The following METTL8 variants were observed in gnomAD, a reference collection of about 807,000 sequenced individuals.
METTL8 encodes methyltransferase 8, tRNA N3-cytidine.
Under a neutral mutation model 48.7 loss-of-function variants are expected in METTL8, and 32 were observed. The ratio of observed to expected loss-of-function variants is 0.66; its 90% CI spans 0.50 to 0.88. The LOEUF is 0.88. Ranked by LOEUF, METTL8 falls within the 40% of genes least tolerant of loss-of-function variation. METTL8 has a pLI of 0.00. For missense variants in METTL8, 464 were observed against 474.4 expected (o/e 0.98, Z 0.20); for synonymous variants, 136 against 157.1 (o/e 0.87, Z 1.01).
At chr2:171,366,017 C>T (rs143223093) in intron 2 of METTL8, among the ~76,000 whole-genome samples, 1 of 152,088 alleles carries the variant, frequency 6.6e-6, no homozygotes, top group African/African-American at 2.4e-5. Flanking sequence ...AGGGTTTGTG[C>T]AACAGGATAC....
chr2:171,331,782 A>G (rs1173499652), intron 6 of METTL8, 22 bp downstream of exon 6: 2 of 1,579,926 alleles, frequency 1.3e-6, no homozygotes, highest in Non-Finnish European at 1.7e-6. Context: ...ATCAGTTGGT[A>G]TGATTCCCAG....
At chr2:171,364,288 T>C (rs1685499038) in intron 2 of METTL8, among the ~76,000 whole-genome samples, 2 of 152,138 alleles carry the variant, frequency 1.3e-5, no homozygotes, top group Admixed American at 6.5e-5. Context: ...AAAAACTATA[T>C]GTAAAACCTG....
intron 4 of METTL8, 30 bp downstream of exon 4, chr2:171,339,154 C>A: frequency 1.4e-6 from 2 of 1,417,014 alleles, no homozygotes; most frequent in East Asian, 2.3e-5. Context: ...TTATTTGTCA[C>A]CTCCCATTTT....
chr2:171,428,493 TA>T lies in METTL8; in HGVS notation c.-13+5389del, dbSNP rs113979366. Among the ~76,000 whole-genome samples, 1,332 of 141,552 alleles carry T rather than the reference TA, an allele frequency of 9.4e-3. 16 individuals carry two copies. Among genetic ancestry groups the T allele is most frequent in the East Asian group, 0.043 (214 of 4,952 alleles). 92.9% of individuals were successfully genotyped at this position (141,552 alleles called of 152,430 possible). On this transcript the variant is annotated intron_variant, in intron 1 of 9. Coordinates refer to ENST00000375258, the MANE Select transcript of METTL8 (RefSeq NM_001321154.2). ...AGATTTCTTCTCAAGCAAATAAAGT[TA>T]AAAAAAAAAAAAGTACTTAGCTGTT...
intron 6 of METTL8, among the ~76,000 whole-genome samples, chr2:171,330,971 A>C (rs575492429): frequency 2.0e-5 from 3 of 152,290 alleles, no homozygotes; most frequent in Admixed American, 2.0e-4. Flanking sequence ...GTTAGTAGAC[A>C]GTGTTGTTAG....
At chr2:171,426,857 G>C (rs1692472853) in intron 1 of METTL8, among the ~76,000 whole-genome samples, 1 of 152,176 alleles carries the variant, frequency 6.6e-6, no homozygotes, top group South Asian at 2.1e-4. Flanking sequence ...CCAAGTATCT[G>C]TTTAAGAAGA....
intron 1 of METTL8, among the ~76,000 whole-genome samples, chr2:171,395,453 T>C (rs1177051738): frequency 1.3e-5 from 2 of 152,208 alleles, no homozygotes; most frequent in Non-Finnish European, 2.9e-5. Flanking sequence ...ATATACTGTT[T>C]ATAAGGCAAG....
chr2:171,347,975 C>G (rs1303101999), intron 3 of METTL8, among the ~76,000 whole-genome samples: 2 of 152,174 alleles, frequency 1.3e-5, no homozygotes, highest in South Asian at 2.1e-4. Flanking sequence ...GGATGGAGAA[C>G]TGGCTCTACG....
At chr2:171,370,058 T>A in intron 2 of METTL8, among the ~76,000 whole-genome samples, 1 of 142,960 alleles carries the variant, frequency 7.0e-6, no homozygotes, top group Non-Finnish European at 1.5e-5. Flanking sequence ...ACAGAGAGAC[T>A]CCATCTCAAA....
chr2:171,343,737 T>C (rs765588933), intron 3 of METTL8, among the ~76,000 whole-genome samples: 4 of 152,206 alleles, frequency 2.6e-5, no homozygotes, highest in Non-Finnish European at 5.9e-5. Flanking sequence ...ATTAGAGTAG[T>C]ATCTCTAAAG....
At chr2:171,407,351 G>C (rs574506159) in intron 1 of METTL8, among the ~76,000 whole-genome samples, 100 of 151,900 alleles carry the variant, frequency 6.6e-4, no homozygotes, top group Non-Finnish European at 1.4e-3. Context: ...GGGGGAAATG[G>C]AAAGAAACAG....
At chr2:171,400,189 G>C (rs1689508727) in intron 1 of METTL8, among the ~76,000 whole-genome samples, 3 of 151,940 alleles carry the variant, frequency 2.0e-5, no homozygotes. Flanking sequence ...AAACTAACAG[G>C]CCTAAAGTCA....
intron 3 of METTL8, among the ~76,000 whole-genome samples, chr2:171,351,894 T>C (rs1683970799): frequency 6.6e-6 from 1 of 152,224 alleles, no homozygotes; most frequent in East Asian, 1.9e-4. Context: ...AAATATACAA[T>C]CATGTCATCT....
At chr2:171,368,765 T>G (rs1378661204) in intron 2 of METTL8, among the ~76,000 whole-genome samples, 1 of 152,070 alleles carries the variant, frequency 6.6e-6, no homozygotes, top group African/African-American at 2.4e-5. Flanking sequence ...AGCCAGGCCC[T>G]GTGGAGCAGT....
upstream of METTL8, chr2:171,434,444 C>G: frequency 6.9e-7 from 1 of 1,459,184 alleles, no homozygotes; most frequent in Non-Finnish European, 9.2e-7. Flanking sequence ...CCCGCCTCCC[C>G]GTGTCAGCTT....
chr2:171,403,136 T>A lies in METTL8; in HGVS notation c.-12-10939A>T, dbSNP rs1202298530. 2.0e-5 allele frequency among the ~76,000 whole-genome samples: 3 copies of A among 152,222 alleles called. No individual in the cohort carries two copies. In the South Asian group the frequency reaches 6.2e-4, roughly 32 times the overall value. Reference sequence around the variant, plus strand: ...GTGGAACATAACTCCTCATTAAGTGTGGGCAGCACATAGTGACTTCTTTCT... The same window carrying A: ...GTGGAACATAACTCCTCATTAAGTGAGGGCAGCACATAGTGACTTCTTTCT... On this transcript the variant is annotated intron_variant, in intron 1 of 9. Coordinates refer to ENST00000375258, the MANE Select transcript of METTL8 (RefSeq NM_001321154.2).
chr2:171,330,655 T>C lies in METTL8; in HGVS notation c.764A>G (p.His255Arg), dbSNP rs148050588. Reference protein sequence around the residue: ...YRATQCFAFVHDVCDDGLPYP... With the variant: ...YRATQCFAFVRDVCDDGLPYP... ...AGGTAAGCCATCATCACATACATCATGAACAAAGGCAAAACACTGGGTTGC... is the reference window on the plus strand; with the variant it reads ...AGGTAAGCCATCATCACATACATCACGAACAAAGGCAAAACACTGGGTTGC... Residue 255 changes from histidine (H) to arginine (R), a missense_variant, in exon 7 of 10, where the codon CAT becomes CGT. Coordinates refer to ENST00000375258, the MANE Select transcript of METTL8 (RefSeq NM_001321154.2). 381 of 1,613,246 alleles carry C rather than the reference T, an allele frequency of 2.4e-4. No homozygotes were observed. The highest frequency in any genetic ancestry group is 3.1e-4 in the Non-Finnish European group (364 of 1,179,802).
chr2:171,409,547 G>A (rs1195280584), intron 1 of METTL8, among the ~76,000 whole-genome samples: 4 of 152,118 alleles, frequency 2.6e-5, no homozygotes, highest in African/African-American at 9.7e-5. Context: ...AAAAAGAAAT[G>A]CTAGCTCCCC....
intron 1 of METTL8, among the ~76,000 whole-genome samples, chr2:171,430,496 T>C (rs888396172): frequency 4.0e-5 from 6 of 151,724 alleles, no homozygotes; most frequent in Non-Finnish European, 2.9e-5. Flanking sequence ...ATAACAAAAC[T>C]GCACGTTCTA....
Sources: gnomAD v4.1 joint callset for allele counts (sites outside exome capture counted in the v4.1 genomes callset) on GRCh38, gnomAD v4.1.1 for gene constraint, MANE v1.5 for transcripts, NCBI Gene and HGNC (gene_info 2026-07-23, HGNC 2026-07-21) for gene names.